PDCD1LG2: variants seen among roughly 807,000 people sequenced by gnomAD.
PDCD1LG2 encodes the protein B7 dendritic cell molecule.
A neutral mutation model predicts 28.2 loss-of-function variants in PDCD1LG2; 32 were observed. That is an observed-to-expected ratio of 1.13 (90% CI 0.86 to 1.52). PDCD1LG2 has a LOEUF of 1.52. Among genes scored for constraint, PDCD1LG2 ranks in the 40% most tolerant of loss-of-function variants. The pLI is 0.00. For missense variants in PDCD1LG2, 385 were observed against 323.8 expected, an observed-to-expected ratio of 1.19 and a Z score of -1.45; for synonymous variants, 116 against 120.2, an observed-to-expected ratio of 0.97 and a Z score of 0.23.
intron 1 of PDCD1LG2, among the ~76,000 whole-genome samples, chr9:5,516,992 C>CCCTGAGTTGTTCTTGG (rs1820179620): frequency 6.6e-6 from 1 of 152,210 alleles, no homozygotes; most frequent in Non-Finnish European, 1.5e-5. Context: ...GGGCGGGACT[C>CCCTGAGTTGTTCTTGG]CCACCTGTTC....
chr9:5,562,833 G>C (rs934982816), intron 5 of PDCD1LG2, among the ~76,000 whole-genome samples: 2 of 152,190 alleles, frequency 1.3e-5, no homozygotes, highest in African/African-American at 4.8e-5. Context: ...AGAAGTAGCA[G>C]TCAAGACTAA....
chr9:5,537,088 C>A (rs1820594269), intron 3 of PDCD1LG2, among the ~76,000 whole-genome samples: 1 of 152,114 alleles, frequency 6.6e-6, no homozygotes, highest in Non-Finnish European at 1.5e-5. Context: ...CTGCTTTCAA[C>A]AAAATTGAAG....
At chr9:5,555,421 TA>T (rs1816418612) in intron 4 of PDCD1LG2, among the ~76,000 whole-genome samples, 1 of 151,962 alleles carries the variant, frequency 6.6e-6, no homozygotes, top group Admixed American at 6.6e-5. Flanking sequence ...CCTTCTCAAA[TA>T]AATAAATTAA....
At chr9:5,521,306 G>C (rs1820269151) in intron 1 of PDCD1LG2, among the ~76,000 whole-genome samples, 1 of 152,042 alleles carries the variant, frequency 6.6e-6, no homozygotes, top group African/African-American at 2.4e-5. Context: ...AGTGTTTGTT[G>C]CACAACTCCG....
At chr9:5,548,788 TTCTCTTCTTAA>T (rs886125055) in intron 3 of PDCD1LG2, among the ~76,000 whole-genome samples, 2 of 152,228 alleles carry the variant, frequency 1.3e-5, no homozygotes, top group African/African-American at 4.8e-5. Flanking sequence ...TTTATTTTTT[TTCTCTTCTTAA>T]TCTCAAAGAA....
At chr9:5,511,219 AGCTAT>A (rs1036166994) in intron 1 of PDCD1LG2, among the ~76,000 whole-genome samples, 4 of 152,224 alleles carry the variant, frequency 2.6e-5, no homozygotes, top group Non-Finnish European at 5.9e-5. Context: ...TTTGTTTACA[AGCTAT>A]GCCTAAGAGG....
At chr9:5,521,985 T>A (rs1820283788) in intron 1 of PDCD1LG2, among the ~76,000 whole-genome samples, 1 of 152,156 alleles carries the variant, frequency 6.6e-6, no homozygotes, top group African/African-American at 2.4e-5. Flanking sequence ...TGTCTAAACC[T>A]CTTAGTAAGA....
At chr9:5,532,433 G>A (rs1043108911) in intron 2 of PDCD1LG2, among the ~76,000 whole-genome samples, 1 of 152,226 alleles carries the variant, frequency 6.6e-6, no homozygotes, top group African/African-American at 2.4e-5. Context: ...TCACAGGCAA[G>A]TTGCAGTTTG....
At chr9:5,553,833 T>G (rs1372886102) in intron 4 of PDCD1LG2, among the ~76,000 whole-genome samples, 1 of 152,202 alleles carries the variant, frequency 6.6e-6, no homozygotes, top group Non-Finnish European at 1.5e-5. Flanking sequence ...GTTTTACCCA[T>G]CCTTCCCAAC....
At chr9:5,513,120 G>T (rs1039257374) in intron 1 of PDCD1LG2, among the ~76,000 whole-genome samples, 7 of 151,996 alleles carry the variant, frequency 4.6e-5, no homozygotes, top group Admixed American at 6.5e-5. Context: ...CTTTGGTATT[G>T]TCACTTAGTT....
chr9:5,522,404 G>A (rs1820292587), intron 1 of PDCD1LG2, 129 bp from the exon 2 acceptor site: 1 of 629,182 alleles, frequency 1.6e-6, no homozygotes, highest in South Asian at 2.3e-5. Context: ...TCTCCTCCCA[G>A]CTCCACTCTA....
At chr9:5,515,000 A>G (rs979330434) in intron 1 of PDCD1LG2, among the ~76,000 whole-genome samples, 1 of 152,136 alleles carries the variant, frequency 6.6e-6, no homozygotes, top group Non-Finnish European at 1.5e-5. Context: ...GTGGTCATAT[A>G]GGAATTCATG....
intron 2 of PDCD1LG2, among the ~76,000 whole-genome samples, chr9:5,529,765 C>T (rs545345465): frequency 6.6e-6 from 1 of 152,262 alleles, no homozygotes; most frequent in South Asian, 2.1e-4. Flanking sequence ...TAGGTTACTC[C>T]ACTTCGCCTA....
chr9:5,560,859 G>A (rs374895203), intron 5 of PDCD1LG2, among the ~76,000 whole-genome samples: 2 of 152,094 alleles, frequency 1.3e-5, no homozygotes. Context: ...TCCATAAAAG[G>A]TCCTGCTTAC....
chr9:5,518,795 C>T (rs1281882845), intron 1 of PDCD1LG2, among the ~76,000 whole-genome samples: 1 of 152,196 alleles, frequency 6.6e-6, no homozygotes, highest in African/African-American at 2.4e-5. Flanking sequence ...TCTTTTGAAC[C>T]TATTCAAGCT....
intron 2 of PDCD1LG2, among the ~76,000 whole-genome samples, chr9:5,530,104 T>C (rs1820453912): frequency 6.6e-6 from 1 of 151,628 alleles, no homozygotes; most frequent in Admixed American, 6.6e-5. Flanking sequence ...TGGGAGGTAA[T>C]GCAAATAATT....
At chr9:5,555,809 T>C (rs376254903) in intron 4 of PDCD1LG2, among the ~76,000 whole-genome samples, 2 of 152,202 alleles carry the variant, frequency 1.3e-5, no homozygotes, top group Non-Finnish European at 2.9e-5. Context: ...TCTCTTAGCC[T>C]GAACTTAGAT....
rs778449624 is a variant in PDCD1LG2, at chr9:5,569,058, G to A, written c.817-896G>A. On this transcript the variant is annotated intron_variant, in intron 6 of 6. Coordinates refer to ENST00000397747, the MANE Select transcript of PDCD1LG2 (RefSeq NM_025239.4). The surrounding 1 kb of genome is among the most constrained non-coding windows in gnomAD (Gnocchi z 4.1). ...GGTGTGGGAAAGTGCACGTGACCCC[G>A]TTCAGAGAGAAAGCCAGGTGTGAGA... 7.9e-5 allele frequency among the ~76,000 whole-genome samples: 12 copies of A among 152,140 alleles called. No individual in the cohort carries two copies. Among genetic ancestry groups the A allele is most frequent in the African/African-American group, 1.4e-4 (6 of 41,442 alleles).
intron 3 of PDCD1LG2, among the ~76,000 whole-genome samples, chr9:5,540,691 T>A (rs1820670229): frequency 6.6e-6 from 1 of 151,978 alleles, no homozygotes; most frequent in South Asian, 2.1e-4. Flanking sequence ...AACAGATCAA[T>A]AACAAGCAGC....
Sources: gnomAD v4.1 joint callset for allele counts (sites outside exome capture counted in the v4.1 genomes callset) on GRCh38, gnomAD v4.1.1 for gene constraint, Gnocchi (gnomAD v3.1) non-coding constraint, MANE v1.5 for transcripts, NCBI Gene and HGNC (gene_info 2026-07-23, HGNC 2026-07-21) for gene names.